Variants in VWA2 observed in about 807,000 individuals in gnomAD.
VWA2 encodes the protein von Willebrand factor A domain containing 2, also known as von Willebrand factor A domain-containing protein 2.
A neutral mutation model predicts 70.4 loss-of-function variants in VWA2; 73 were observed. The observed-to-expected ratio is 1.04, with a 90% CI of 0.86 to 1.26. The LOEUF (loss-of-function observed/expected upper bound fraction) is 1.26, where lower values mean the gene tolerates loss of function less well. VWA2 is among the 50% of genes most tolerant of loss of function. The pLI is 0.00. For synonymous variants in VWA2, 407 were observed against 423.3 expected (o/e 0.96, Z 0.47); for missense variants, 1,011 against 998.5 (o/e 1.01, Z -0.17).
chr10:114,239,657 C>G (rs1193195058), intron 1 of VWA2, 88 bp downstream of exon 1: 1 of 152,384 alleles, frequency 6.6e-6, no homozygotes, highest in South Asian at 2.1e-4. Flanking sequence ...GGTACTGGGG[C>G]CCCCTCTGCC....
At chr10:114,266,998 G>T (rs1335142988) in intron 5 of VWA2, among the ~76,000 whole-genome samples, 1 of 151,896 alleles carries the variant, frequency 6.6e-6, no homozygotes, top group Non-Finnish European at 1.5e-5. Flanking sequence ...CCAAGTTCAG[G>T]TATCACAATA....
At position 114,292,273 on chromosome 10, in the gene VWA2, G is replaced by A. The variant is rs1442757291; in HGVS notation, c.*1036G>A. Among the ~76,000 whole-genome samples, 1 of 151,954 alleles carries A rather than the reference G, an allele frequency of 6.6e-6. No homozygotes were observed. ...GCCTGGGCAACAAGAGTAAAAATCT[G>A]TCTCAAAAAGAAAAAAATGTACTTA... On this transcript the variant is annotated 3_prime_UTR_variant, in exon 14 of 14. Transcript: ENST00000392982.
At chr10:114,261,820 A>C (rs1221280263) in intron 5 of VWA2, among the ~76,000 whole-genome samples, 1 of 152,192 alleles carries the variant, frequency 6.6e-6, no homozygotes, top group Non-Finnish European at 1.5e-5. Flanking sequence ...GAAATACCTG[A>C]GGCTGGGTAA....
intron 6 of VWA2, among the ~76,000 whole-genome samples, chr10:114,277,056 A>T: frequency 6.6e-6 from 1 of 151,010 alleles, no homozygotes. Context: ...GGGAAGTTTT[A>T]CAGACCTGAA....
intron 1 of VWA2, among the ~76,000 whole-genome samples, chr10:114,245,490 C>G (rs1482575359): frequency 6.6e-6 from 1 of 152,154 alleles, no homozygotes; most frequent in South Asian, 2.1e-4. Flanking sequence ...TCGTCCTGAA[C>G]CTAAGGAATA....
chr10:114,292,122 CA>C lies in VWA2; in HGVS notation c.*889del, dbSNP rs2039658401. ...TGAAAGTTTGTCTTTACTAAAAATA[CA>C]AAAGGTAGCCGGGGGTGGTGGTGGA... On this transcript the variant is annotated 3_prime_UTR_variant, in exon 14 of 14. Coordinates refer to ENST00000392982, the MANE Select transcript of VWA2 (RefSeq NM_001272046.2). Among the ~76,000 whole-genome samples the C allele has an allele frequency of 6.6e-6, 1 of 151,970 alleles. No homozygotes were observed.
Position 114,289,289 on chromosome 10 carries a change from G to T in VWA2, c.1922G>T (p.Gly641Val). Residue 641 changes from glycine (G) to valine (V), a missense_variant, in exon 12 of 14, where the codon GGC (glycine) becomes GTC (valine). By Grantham distance (109) the Gly-to-Val change is moderately radical (BLOSUM62 -3). Transcript: ENST00000392982. ...CCCAAAGCTGTGGTGGTGCTCACAG[G>T]CGGGAGAGGCGCAGAGGATGCAGCC... is the stretch of plus-strand genomic sequence containing the variant. ...GVPKAVVVLT[G>V]GRGAEDAAVP... 4 of 1,613,950 alleles carry T rather than the reference G, an allele frequency of 2.5e-6. No homozygotes were observed. Among genetic ancestry groups the T allele is most frequent in the Non-Finnish European group, 3.4e-6 (4 of 1,179,984 alleles).
intron 8 of VWA2, 99 bp downstream of exon 8, chr10:114,278,950 G>T (rs1589767112): frequency 6.5e-7 from 1 of 1,544,512 alleles, no homozygotes; most frequent in East Asian, 2.3e-5. Context: ...CATGGAGATT[G>T]TGACAGGGAT....
At chr10:114,269,591 G>C (rs145527711) in intron 5 of VWA2, among the ~76,000 whole-genome samples, 59 of 152,204 alleles carry the variant, frequency 3.9e-4, no homozygotes, top group African/African-American at 1.4e-3. Context: ...AAAAAAATAA[G>C]AAAACAAAAT....
chr10:114,247,675 C>A (rs1033084307), intron 1 of VWA2, among the ~76,000 whole-genome samples: 11 of 149,390 alleles, frequency 7.4e-5, no homozygotes, highest in Non-Finnish European at 1.0e-4. Context: ...AAAAAAAAAA[C>A]AAAACGGAGC....
intron 8 of VWA2, 49 bp from the exon 9 acceptor site, chr10:114,282,467 T>C (rs1052335089): frequency 1.2e-5 from 18 of 1,465,904 alleles, no homozygotes; most frequent in Non-Finnish European, 1.5e-5. Context: ...TTTTCTGCCC[T>C]CCCCTTACAC....
intron 5 of VWA2, among the ~76,000 whole-genome samples, chr10:114,263,785 T>A (rs1038563674): frequency 2.0e-5 from 3 of 152,250 alleles, no homozygotes; most frequent in Non-Finnish European, 4.4e-5. Context: ...TGAATATATT[T>A]ACAGAGTTAA....
At chr10:114,272,692 C>A in intron 5 of VWA2, 48 bp from the exon 6 acceptor site, 1 of 1,484,880 alleles carries the variant, frequency 6.7e-7, no homozygotes, top group Non-Finnish European at 9.1e-7. Flanking sequence ...AACTTCACCT[C>A]CCCACATCAT....
intron 10 of VWA2, 87 bp from the exon 11 acceptor site, chr10:114,285,852 C>A: frequency 7.4e-7 from 1 of 1,348,310 alleles, no homozygotes; most frequent in South Asian, 1.5e-5. Context: ...CCATCTCCCT[C>A]CTGGGAGATG....
In VWA2 at chr10:114,278,725, G is replaced by A; in HGVS notation, c.707G>A (p.Arg236Lys). The A allele has an allele frequency of 6.2e-7, 1 of 1,614,032 alleles. No homozygotes were observed. The highest frequency in any genetic ancestry group is 8.5e-7 in the Non-Finnish European group (1 of 1,180,020). The change falls in exon 8 of 14, where the codon AGG becomes AAG. Residue 236 changes from arginine to lysine, a missense_variant. Coordinates refer to ENST00000392982, the MANE Select transcript of VWA2 (RefSeq NM_001272046.2). ...GTGTGTGTTGTGGACACAGACTGCA[G>A]GGTCGAGGCTCACCCCTGTGAGCAC... ...AICSSATPDC[R>K]VEAHPCEHRT... is the part of the protein sequence containing the mutation.
intron 1 of VWA2, chr10:114,246,304 C>A: frequency 1.7e-6 from 1 of 600,078 alleles, no homozygotes; most frequent in Non-Finnish European, 3.0e-6. Context: ...AGTTCAAGAC[C>A]AGCCTGATCA....
intron 9 of VWA2, among the ~76,000 whole-genome samples, 179 bp downstream of exon 9, chr10:114,282,750 T>G (rs1351763430): frequency 1.3e-5 from 2 of 152,204 alleles, no homozygotes; most frequent in Non-Finnish European, 2.9e-5. Flanking sequence ...TGGTGTTTGC[T>G]CATTAAGAAT....
intron 5 of VWA2, among the ~76,000 whole-genome samples, chr10:114,267,761 T>A (rs1212419509): frequency 6.6e-6 from 1 of 152,100 alleles, no homozygotes; most frequent in Non-Finnish European, 1.5e-5. Flanking sequence ...TTATTTTTCT[T>A]AGTCCGTTTC....
chr10:114,240,529 T>C (rs915259223), intron 1 of VWA2, among the ~76,000 whole-genome samples: 1 of 152,246 alleles, frequency 6.6e-6, no homozygotes, highest in Non-Finnish European at 1.5e-5. Context: ...ATTTTTCAAA[T>C]TACAAGCTGC....
Sources: gnomAD v4.1 joint callset for allele counts (sites outside exome capture counted in the v4.1 genomes callset) on GRCh38, gnomAD v4.1.1 for gene constraint, MANE v1.5 for transcripts, NCBI Gene and HGNC (gene_info 2026-07-23, HGNC 2026-07-21) for gene names.